RGS12: variants seen among roughly 807,000 people sequenced by gnomAD.
RGS12 encodes regulator of G-protein signaling 12.
In RGS12, 66 loss-of-function variants were observed where a neutral mutation model predicts 120.1. The ratio of observed to expected loss-of-function variants is 0.55; its 90% CI spans 0.45 to 0.67. The LOEUF (loss-of-function observed/expected upper bound fraction) is 0.67, where lower values mean the gene tolerates loss of function less well. Ranked by LOEUF, RGS12 falls within the 30% of genes least tolerant of loss-of-function variation. The pLI is 0.00. For synonymous variants in RGS12, 827 were observed against 804.7 expected (o/e 1.03, Z -0.47); for missense variants, 1,859 against 1,957.7 (o/e 0.95, Z 0.95).
chr4:3,343,144 C>A, intron 3 of RGS12, 91 bp downstream of exon 3: 1 of 833,570 alleles, frequency 1.2e-6, no homozygotes, highest in Non-Finnish European at 2.0e-6. Context: ...TTTTTGAGTC[C>A]CTGTGGTCCC....
At position 3,365,210 on chromosome 4, in the gene RGS12, C is replaced by A. The variant is rs1327923663; in HGVS notation, c.1999-21206C>A. On this transcript the variant is annotated intron_variant, in intron 3 of 17. Transcript: ENST00000336727. The surrounding 1 kb of genome is among the most constrained non-coding windows in gnomAD (Gnocchi z 4.0). ...GCAGACCGCAGTCCCCGGCCAGATC[C>A]ACTGCCTGTTCTTGTAAATAGAGTC... 1.3e-5 allele frequency among the ~76,000 whole-genome samples: 2 copies of A among 152,202 alleles called. No individual in the cohort carries two copies. Among genetic ancestry groups the A allele is most frequent in the Admixed American group, 1.3e-4 (2 of 15,288 alleles).
chr4:3,293,288 T>C (rs1461253218), intron 1 of RGS12, among the ~76,000 whole-genome samples, 189 bp downstream of exon 1: 2 of 141,924 alleles, frequency 1.4e-5, no homozygotes, highest in Admixed American at 6.9e-5. Context: ...CTCAGGCTCC[T>C]GGTCCCGGGC....
In RGS12 at chr4:3,393,311, C is replaced by T. The variant is rs546403835; in HGVS notation, c.2020+6874C>T. Among the ~76,000 whole-genome samples the T allele has an allele frequency of 6.2e-4, 95 of 152,330 alleles. 1 individual carries two copies. The highest frequency in any genetic ancestry group is 1.1e-3 in the Admixed American group (17 of 15,306). ...TGGCAGCTGTTCCCGCCGCAGCCCCCGGCTGATCTTTGCCTGCCTCGTGGG... is the reference window on the plus strand; with the variant it reads ...TGGCAGCTGTTCCCGCCGCAGCCCCTGGCTGATCTTTGCCTGCCTCGTGGG... On this transcript the variant is annotated intron_variant, in intron 4 of 17. Transcript: ENST00000336727.
chr4:3,437,424 A>G (rs928276263), intron 17 of RGS12, among the ~76,000 whole-genome samples: 2 of 152,148 alleles, frequency 1.3e-5, no homozygotes, highest in African/African-American at 4.8e-5. Flanking sequence ...TCAGAGCCCT[A>G]TGAACACTCC....
chr4:3,379,026 T>C (rs1453682231), intron 3 of RGS12, among the ~76,000 whole-genome samples: 1 of 151,632 alleles, frequency 6.6e-6, no homozygotes, highest in African/African-American at 2.4e-5. Context: ...TGTGTGTGTG[T>C]GTGTGTGTGT....
At chr4:3,403,529 G>A (rs1720806581) in intron 4 of RGS12, among the ~76,000 whole-genome samples, 1 of 152,250 alleles carries the variant, frequency 6.6e-6, no homozygotes, top group Non-Finnish European at 1.5e-5. Context: ...GACCTCAGCA[G>A]CTTCATCTGT....
intron 16 of RGS12, among the ~76,000 whole-genome samples, chr4:3,429,877 C>T (rs576994560): frequency 5.9e-5 from 9 of 152,286 alleles, no homozygotes; most frequent in East Asian, 3.9e-4. Flanking sequence ...GAGAGGCAGG[C>T]GTGGATTTGA....
intron 2 of RGS12, among the ~76,000 whole-genome samples, chr4:3,339,955 T>C (rs562131735): frequency 6.6e-6 from 1 of 152,238 alleles, no homozygotes; most frequent in South Asian, 2.1e-4. Context: ...CACAAAGCCA[T>C]GGGTTCATTC....
chr4:3,364,445 C>G (rs1417653388), intron 3 of RGS12, among the ~76,000 whole-genome samples: 1 of 152,154 alleles, frequency 6.6e-6, no homozygotes, highest in East Asian at 1.9e-4. Flanking sequence ...CCGCACTGTT[C>G]CTGAGCTGCG....
intron 4 of RGS12, 129 bp from the exon 5 acceptor site, chr4:3,413,943 G>C (rs1490955353): frequency 4.3e-6 from 4 of 927,290 alleles, no homozygotes; most frequent in East Asian, 5.3e-5. Context: ...GTGCATAGTT[G>C]TTGACTGAAT....
intron 4 of RGS12, among the ~76,000 whole-genome samples, chr4:3,409,830 C>T (rs955667792): frequency 6.6e-6 from 1 of 152,226 alleles, no homozygotes; most frequent in Non-Finnish European, 1.5e-5. Context: ...CCCTGTCTTC[C>T]CGTCCTGGTT....
At chr4:3,363,540 G>C (rs779509855) in intron 3 of RGS12, among the ~76,000 whole-genome samples, 1 of 151,930 alleles carries the variant, frequency 6.6e-6, no homozygotes. Context: ...GAGGCGAGAC[G>C]GACAGGGGTG....
At chr4:3,340,072 C>T (rs958791558) in intron 2 of RGS12, among the ~76,000 whole-genome samples, 3 of 152,206 alleles carry the variant, frequency 2.0e-5, no homozygotes, top group South Asian at 2.1e-4. Flanking sequence ...TTGCTGTTGC[C>T]GCAACACACG....
Position 3,414,855 on chromosome 4 carries a change from G to T in RGS12, c.2283+11G>T. On this transcript the variant is annotated intron_variant, in intron 6 of 17. Transcript: ENST00000336727. ...CATGACAAAAAGGAGGTAAGTCCAC[G>T]CTTGGGAAGTGGGGGCTGTGTGAGA... The T allele has an allele frequency of 1.3e-6, 2 of 1,597,766 alleles. No homozygotes were observed. The highest frequency in any genetic ancestry group is 1.3e-5 in the African/African-American group (1 of 74,738).
intron 3 of RGS12, among the ~76,000 whole-genome samples, chr4:3,353,048 C>T (rs1714517285): frequency 6.6e-6 from 1 of 152,220 alleles, no homozygotes; most frequent in Non-Finnish European, 1.5e-5. Flanking sequence ...TCGCACCCTC[C>T]AGAGTGCGTG....
At position 3,430,776 on chromosome 4, in the gene RGS12, G is replaced by T. The variant is rs1488992789; in HGVS notation, c.3935G>T (p.Gly1312Val). 6.2e-7 allele frequency: 1 copy of T among 1,611,198 alleles called. No homozygotes were observed. Among genetic ancestry groups the T allele is most frequent in the Non-Finnish European group, 8.5e-7 (1 of 1,179,112 alleles). Residue 1312 changes from glycine (G) to valine (V), a missense_variant, in exon 17 of 18, where the codon GGC becomes GTC. By Grantham distance (109) the Gly-to-Val change is moderately radical (BLOSUM62 -3). Transcript: ENST00000336727. ...PQSPVSLAQEGTAQIWKRQSQ... is the reference protein window; with the variant it reads ...PQSPVSLAQEVTAQIWKRQSQ... ...TCCCCCGTCTCCCTCGCGCAGGAGG[G>T]CACCGCCCAGATCTGGAAGAGGCAG...
the RGS12 span, among the ~76,000 whole-genome samples, chr4:3,287,479 G>A: frequency 6.6e-6 from 1 of 152,344 alleles, no homozygotes; most frequent in East Asian, 1.9e-4. Flanking sequence ...CCCACAGGAG[G>A]GGTTCACGCC....
intron 3 of RGS12, among the ~76,000 whole-genome samples, chr4:3,371,095 T>C (rs930786562): frequency 1.1e-4 from 17 of 152,194 alleles, no homozygotes; most frequent in Non-Finnish European, 2.1e-4. Context: ...ATGGAGGGGT[T>C]GGGAACAGGA....
chr4:3,296,592 A>C (rs1029376996), intron 1 of RGS12, among the ~76,000 whole-genome samples: 1 of 152,202 alleles, frequency 6.6e-6, no homozygotes, highest in South Asian at 2.1e-4. Flanking sequence ...TGGCTTTCAC[A>C]GTCCCAGGGA....
Sources: allele counts gnomAD v4.1 joint callset (sites outside exome capture counted in the v4.1 genomes callset), GRCh38; gene constraint gnomAD v4.1.1; non-coding constraint Gnocchi (gnomAD v3.1); transcripts MANE v1.5; gene names NCBI Gene and HGNC (gene_info 2026-07-23, HGNC 2026-07-21).